Variants in IL1RAPL1 observed in about 807,000 individuals in gnomAD.
The protein encoded by IL1RAPL1 is interleukin-1 receptor accessory protein-like 1.
In IL1RAPL1, 3 loss-of-function variants were observed where a neutral mutation model predicts 48.4. That is an observed-to-expected ratio of 0.06 (90% CI 0.03 to 0.16). The LOEUF (loss-of-function observed/expected upper bound fraction) is 0.16, where lower values mean the gene tolerates loss of function less well. Among genes scored for constraint, IL1RAPL1 ranks in the 10% least tolerant of loss-of-function variants. The probability of loss-of-function intolerance (pLI) is 1.00; values close to 1 mark genes in which losing one functional copy is unlikely to be tolerated. For missense variants in IL1RAPL1, 349 were observed against 530.6 expected, an observed-to-expected ratio of 0.66 and a Z score of 3.36; for synonymous variants, 185 against 187.7, an observed-to-expected ratio of 0.99 and a Z score of 0.12.
At chrX:28,992,528 A>G (rs1477247147) in intron 2 of IL1RAPL1, among the ~76,000 whole-genome samples, 1 of 110,077 alleles carries the variant, frequency 9.1e-6, no homozygotes, top group Non-Finnish European at 1.9e-5. Flanking sequence ...GAAGAAAAAA[A>G]AAAGAAAACT....
chrX:29,660,784 C>A (rs1000672598), intron 5 of IL1RAPL1, among the ~76,000 whole-genome samples: 1 of 111,938 alleles, frequency 8.9e-6, no homozygotes, highest in Non-Finnish European at 1.9e-5. Flanking sequence ...CAACTTTGTT[C>A]TTTCTGATTA....
chrX:29,246,599 G>C (rs1931518185), intron 2 of IL1RAPL1, among the ~76,000 whole-genome samples: 1 of 111,141 alleles, frequency 9.0e-6, no homozygotes, highest in Non-Finnish European at 1.9e-5. Flanking sequence ...GTGAAAAGCT[G>C]GTTTATATAT....
chrX:28,684,656 G>A (rs971900462), intron 1 of IL1RAPL1, among the ~76,000 whole-genome samples: 4 of 111,943 alleles, frequency 3.6e-5, no homozygotes, highest in African/African-American at 6.5e-5. Flanking sequence ...GGTATGCCAT[G>A]CTCTATGAAT....
intron 2 of IL1RAPL1, among the ~76,000 whole-genome samples, chrX:29,147,713 A>G (rs772116009): frequency 4.5e-5 from 5 of 112,157 alleles, no homozygotes; most frequent in South Asian, 3.7e-4. Flanking sequence ...GGCTTCCTCA[A>G]TCATAAGCTA....
Position 28,716,839 on chromosome X carries a change from G to A in IL1RAPL1, c.-24-72481G>A, listed in dbSNP as rs907366829. On this transcript the variant is annotated intron_variant, in intron 1 of 10. Coordinates refer to ENST00000378993, the MANE Select transcript of IL1RAPL1 (RefSeq NM_014271.4). ...AAAAAACACCACCCCATTAAAAAGT[G>A]GGCAAAGGAGATGAACAGACACTTC... Among the ~76,000 whole-genome samples, 8 of 111,643 alleles carry A rather than the reference G, an allele frequency of 7.2e-5. No homozygotes were observed. In the East Asian group the frequency reaches 2.3e-3, roughly 31 times the overall value.
intron 3 of IL1RAPL1, among the ~76,000 whole-genome samples, chrX:29,310,144 AAAAAC>A (rs1427088713): frequency 1.3e-4 from 13 of 99,891 alleles, no homozygotes; most frequent in African/African-American, 5.0e-4. Context: ...GGAAAAAAAA[AAAAAC>A]AAAAAAAGGG....
At chrX:29,474,572 T>A (rs956220993) in intron 5 of IL1RAPL1, among the ~76,000 whole-genome samples, 4 of 111,943 alleles carry the variant, frequency 3.6e-5, no homozygotes, top group African/African-American at 1.3e-4. Context: ...AAGCATGGCA[T>A]CAACATCGAA....
chrX:29,561,461 GCTCTCACCC>G (rs1400638582), intron 5 of IL1RAPL1, among the ~76,000 whole-genome samples: 1 of 112,031 alleles, frequency 8.9e-6, no homozygotes, highest in East Asian at 2.8e-4. Flanking sequence ...GTTGCTGTGA[GCTCTCACCC>G]CTTTTCCCTG....
At chrX:29,252,276 G>GAAAAAAAAAAAAAAA (rs1208250005) in intron 2 of IL1RAPL1, among the ~76,000 whole-genome samples, 1 of 47,504 alleles carries the variant, frequency 2.1e-5, no homozygotes, top group Non-Finnish European at 6.0e-5. Context: ...AATAGTAAAA[G>GAAAAAAAAAAAAAAA]AAAAAAGAAA....
At chrX:29,409,452 A>G (rs975029132) in intron 5 of IL1RAPL1, among the ~76,000 whole-genome samples, 17 of 111,988 alleles carry the variant, frequency 1.5e-4, no homozygotes, top group African/African-American at 5.5e-4. Context: ...AATTCCTAAA[A>G]CAAAAGAGCT....
chrX:29,740,122 G>GAAAAAAA (rs1172511347), intron 6 of IL1RAPL1, among the ~76,000 whole-genome samples: 2 of 52,328 alleles, frequency 3.8e-5, no homozygotes, highest in Non-Finnish European at 3.7e-5. Context: ...CAAAAAAACA[G>GAAAAAAA]AAAAAAAAAA....
intron 2 of IL1RAPL1, among the ~76,000 whole-genome samples, chrX:28,968,053 T>C (rs906539659): frequency 1.8e-5 from 2 of 111,573 alleles, no homozygotes; most frequent in African/African-American, 3.3e-5. Context: ...TACTTACTTA[T>C]TGAGAAACAA....
chrX:28,727,254 C>A (rs1029323973), intron 1 of IL1RAPL1, among the ~76,000 whole-genome samples: 1 of 109,401 alleles, frequency 9.1e-6, no homozygotes, highest in East Asian at 2.9e-4. Flanking sequence ...CTTCACATCC[C>A]TTGTAAGTTG....
intron 5 of IL1RAPL1, among the ~76,000 whole-genome samples, chrX:29,588,537 G>C (rs1393989531): frequency 8.9e-6 from 1 of 112,292 alleles, no homozygotes; most frequent in Non-Finnish European, 1.9e-5. Context: ...GTGGTATGTG[G>C]ATGTCATGGT....
chrX:29,682,415 T>C (rs1249073757), intron 6 of IL1RAPL1, among the ~76,000 whole-genome samples: 1 of 111,075 alleles, frequency 9.0e-6, no homozygotes, highest in Non-Finnish European at 1.9e-5. Context: ...CTCCTGCCTT[T>C]TTCCCTTGTG....
chrX:28,699,844 T>C (rs1412650334), intron 1 of IL1RAPL1, among the ~76,000 whole-genome samples: 1 of 112,001 alleles, frequency 8.9e-6, no homozygotes, highest in Non-Finnish European at 1.9e-5. Flanking sequence ...CCTTCACTGC[T>C]GGACTGAGAG....
chrX:29,280,079 C>A (rs1324430911), intron 2 of IL1RAPL1, among the ~76,000 whole-genome samples: 1 of 112,194 alleles, frequency 8.9e-6, no homozygotes, highest in East Asian at 2.8e-4. Context: ...TTGTAATTTA[C>A]ATAGTGGTAA....
At position 28,710,309 on chromosome X, in the gene IL1RAPL1, T is replaced by C. The variant is rs145611253; in HGVS notation, c.-24-79011T>C. ...TATATAACAGAAGTATATCAGTGCA[T>C]GAAAAAATAAAAAGAAAAGGAGATC... is the stretch of plus-strand genomic sequence containing the variant. On this transcript the variant is annotated intron_variant, in intron 1 of 10. Transcript: ENST00000378993. Among the ~76,000 whole-genome samples, 13 of 97,888 alleles carry C rather than the reference T, an allele frequency of 1.3e-4. No homozygotes were observed. The East Asian group carries it at 4.0e-3, about 30-fold the overall frequency. The allele number at this position is 97,888 out of a possible 115,157, so 85.0% of individuals were successfully genotyped here. A position where few individuals can be genotyped will look rare whatever the true frequency, so the allele number is the denominator to read the frequency against.
intron 2 of IL1RAPL1, among the ~76,000 whole-genome samples, chrX:28,918,387 A>G (rs1431446641): frequency 2.7e-5 from 3 of 112,497 alleles, no homozygotes; most frequent in African/African-American, 9.7e-5. Flanking sequence ...AAGTAATAAA[A>G]TGAATGCATT....
Sources: allele counts gnomAD v4.1 joint callset (sites outside exome capture counted in the v4.1 genomes callset), GRCh38; gene constraint gnomAD v4.1.1; transcripts MANE v1.5; gene names NCBI Gene and HGNC (gene_info 2026-07-23, HGNC 2026-07-21).